GPSM2: variants seen among roughly 807,000 people sequenced by gnomAD.
The protein encoded by GPSM2 is G protein signaling modulator 2.
GPSM2 carries 58 observed loss-of-function variants against 78.4 expected under a neutral mutation model. The observed-to-expected ratio is 0.74, with a 90% confidence interval of 0.60 to 0.92. The LOEUF (loss-of-function observed/expected upper bound fraction) is 0.92. Ranked by LOEUF, GPSM2 falls within the 40% of genes least tolerant of loss-of-function variation. GPSM2 has a pLI of 0.00. For synonymous variants in GPSM2, 224 were observed against 280.2 expected (o/e 0.80, Z 2.00); for missense variants, 700 against 815.5 (o/e 0.86, Z 1.73).
At position 108,897,233 on chromosome 1, in the gene GPSM2, G is replaced by T. The variant is rs955306475; in HGVS notation, c.278+148G>T. ...GCTTTTCAAAACTAACCTTTAGGCT[G>T]AACACAGTTTAATTGAATGAATAGT... is the stretch of plus-strand genomic sequence containing the variant. On this transcript the variant is annotated intron_variant, in intron 3 of 14. Coordinates refer to ENST00000264126, the MANE Select transcript of GPSM2 (RefSeq NM_013296.5). 8.3e-6 allele frequency: 6 copies of T among 719,030 alleles called. No homozygotes were observed. In the African/African-American group the frequency reaches 1.1e-4, roughly 13 times the overall value. The allele number at this position is 719,030 out of a possible 1,614,324, so 44.5% of individuals were successfully genotyped here.
chr1:108,888,575 A>G (rs1316091431), intron 2 of GPSM2, among the ~76,000 whole-genome samples: 1 of 152,174 alleles, frequency 6.6e-6, no homozygotes, highest in Admixed American at 6.5e-5. Flanking sequence ...CCTGGGCTCA[A>G]GCAGTCCACC....
chr1:108,931,293 C>T lies in GPSM2; in HGVS notation c.*1353C>T. On this transcript the variant is annotated 3_prime_UTR_variant, in exon 15 of 15. Transcript: ENST00000264126. ...AGCTAGAACCTTAGTTGTCATTAAG[C>T]TTTGTCTTCCTTATCCCAGATATTG... The T allele has an allele frequency of 6.5e-7, 1 of 1,527,804 alleles. No homozygotes were observed. The highest frequency in any genetic ancestry group is 8.8e-7 in the Non-Finnish European group (1 of 1,135,500). The allele number at this position is 1,527,804 out of a possible 1,614,324, so 94.6% of individuals were successfully genotyped here.
chr1:108,896,920 G>A lies in GPSM2; in HGVS notation c.113G>A (p.Gly38Glu), dbSNP rs1279458081. The change falls in exon 3 of 15, where the codon GGA (glycine) becomes GAA (glutamate). Residue 38 changes from glycine to glutamate, a missense_variant. Physicochemically the swap from Gly to Glu is moderately conservative, Grantham distance 98. Transcript: ENST00000264126. ...GAAGGGGAACGTCTATGTAAATCAG[G>A]AGACTGCCGCGCTGGCGTGTCATTC... The part of the protein sequence containing the change: ...ALEGERLCKS[G>E]DCRAGVSFFE... 1.9e-6 allele frequency: 3 copies of A among 1,614,190 alleles called. No individual in the cohort carries two copies. The highest frequency in any genetic ancestry group is 1.7e-5 in the Admixed American group (1 of 60,028).
At position 108,933,882 on chromosome 1, in the gene GPSM2, TATGA is replaced by T. The variant is rs1260041915; in HGVS notation, c.*3945_*3948del. 6.6e-6 allele frequency: 1 copy of T among 152,198 alleles called. No homozygotes were observed. Among genetic ancestry groups the T allele is most frequent in the African/African-American group, 2.4e-5 (1 of 41,452 alleles). 9.4% of individuals were successfully genotyped at this position (152,198 alleles called of 1,614,324 possible). ...GACAAGACAATATGATTTGCTATAA[TATGA>T]ATTAAGATATGGTAATATCTAATAG... is the stretch of plus-strand genomic sequence containing the variant. On this transcript the variant is annotated 3_prime_UTR_variant, in exon 15 of 15. Transcript: ENST00000264126.
At chr1:108,917,093 G>A (rs1169431617) in intron 11 of GPSM2, among the ~76,000 whole-genome samples, 1 of 152,078 alleles carries the variant, frequency 6.6e-6, no homozygotes, top group African/African-American at 2.4e-5. Context: ...AAATATATAA[G>A]GAACATTTTT....
chr1:108,920,950 A>T (rs1650658633), intron 12 of GPSM2, among the ~76,000 whole-genome samples: 1 of 152,058 alleles, frequency 6.6e-6, no homozygotes, highest in Non-Finnish European at 1.5e-5. Flanking sequence ...ACTGTAGCTT[A>T]TGTATGTATC....
At chr1:108,919,712 A>G (rs1650553868) in intron 12 of GPSM2, among the ~76,000 whole-genome samples, 1 of 152,028 alleles carries the variant, frequency 6.6e-6, no homozygotes, top group African/African-American at 2.4e-5. Context: ...CTCAAAAAAA[A>G]GAGAAAAATG....
At chr1:108,908,306 G>A (rs868707664) in intron 10 of GPSM2, among the ~76,000 whole-genome samples, 11 of 151,800 alleles carry the variant, frequency 7.2e-5, no homozygotes, top group Middle Eastern at 3.4e-3. Flanking sequence ...GGGAGGCGGA[G>A]CTTGCAGTGA....
Position 108,897,940 on chromosome 1 carries a change from T to G in GPSM2, c.415-19T>G. On this transcript the variant is annotated intron_variant, in intron 4 of 14. Transcript: ENST00000264126. ...ACCTCTGTTTTCAAAATGTAAACTT[T>G]GCTGATGTCTTCATTTAGGTGGGAG... 6.2e-7 allele frequency: 1 copy of G among 1,612,258 alleles called. No homozygotes were observed. Among genetic ancestry groups the G allele is most frequent in the Non-Finnish European group, 8.5e-7 (1 of 1,178,360 alleles).
chr1:108,895,201 G>A (rs1648261908), intron 2 of GPSM2, among the ~76,000 whole-genome samples: 1 of 152,170 alleles, frequency 6.6e-6, no homozygotes, highest in South Asian at 2.1e-4. Context: ...AGTGCTCCAG[G>A]TGAGCTCTGC....
At chr1:108,902,770 C>T (rs1648918865) in intron 8 of GPSM2, among the ~76,000 whole-genome samples, 1 of 152,148 alleles carries the variant, frequency 6.6e-6, no homozygotes, top group Non-Finnish European at 1.5e-5. Flanking sequence ...TTCTCTCTCC[C>T]TGCTGCTCAA....
At chr1:108,911,433 G>A (rs963631257) in intron 10 of GPSM2, among the ~76,000 whole-genome samples, 2 of 151,878 alleles carry the variant, frequency 1.3e-5, no homozygotes. Flanking sequence ...AGGCTGAGGT[G>A]GAAGAATGTC....
chr1:108,896,901 G>T lies in GPSM2; in HGVS notation c.94G>T (p.Glu32Ter). Reference protein sequence around the residue: ...ASCLELALEGERLCKSGDCRA... With the variant: ...ASCLELALEG Reference sequence around the variant, plus strand: ...TTGCCTAGAGCTGGCCTTGGAAGGGGAACGTCTATGTAAATCAGGAGACTG... The same window carrying T: ...TTGCCTAGAGCTGGCCTTGGAAGGGTAACGTCTATGTAAATCAGGAGACTG... Residue 32 changes from glutamate to a stop codon, truncating the protein, a stop_gained, in exon 3 of 15, where the codon GAA becomes TAA. Transcript: ENST00000264126. LOFTEE classifies it high-confidence loss of function. 6.2e-7 allele frequency: 1 copy of T among 1,614,170 alleles called. No individual in the cohort carries two copies.
chr1:108,885,593 G>C lies in GPSM2; in HGVS notation c.56+15G>C, dbSNP rs1647473839. The C allele has an allele frequency of 6.8e-7, 1 of 1,474,932 alleles. No individual in the cohort carries two copies. The highest frequency in any genetic ancestry group is 1.7e-5 in the Admixed American group (1 of 59,756). 91.4% of individuals were successfully genotyped at this position (1,474,932 alleles called of 1,614,324 possible). ...GTTCGTTACAGGTAAGACTATTGCT[G>C]TCTTAATGGATGACTTTTAATCCTT... On this transcript the variant is annotated intron_variant, in intron 2 of 14. Coordinates refer to ENST00000264126, the MANE Select transcript of GPSM2 (RefSeq NM_013296.5).
intron 12 of GPSM2, among the ~76,000 whole-genome samples, chr1:108,919,767 C>T (rs1240834721): frequency 3.3e-5 from 5 of 151,996 alleles, no homozygotes; most frequent in African/African-American, 7.2e-5. Context: ...ATAAAAATAC[C>T]GTGGGTTTAC....
At chr1:108,880,972 G>A (rs1665865354) in intron 1 of GPSM2, among the ~76,000 whole-genome samples, 1 of 152,270 alleles carries the variant, frequency 6.6e-6, no homozygotes, top group Middle Eastern at 3.4e-3. Context: ...AGTAAAGCAG[G>A]GCTAGGATTT....
intron 14 of GPSM2, among the ~76,000 whole-genome samples, chr1:108,928,787 G>A (rs564693865): frequency 6.6e-6 from 1 of 152,146 alleles, no homozygotes; most frequent in Admixed American, 6.5e-5. Context: ...TCAAGAGTTC[G>A]AGACCAGCCT....
At chr1:108,898,835 T>G (rs79763481) in intron 6 of GPSM2, 44 bp from the exon 7 acceptor site, 21,272 of 1,599,758 alleles carry the variant, frequency 0.013, 170 homozygotes, top group Non-Finnish European at 0.016. Flanking sequence ...AGATCATTCT[T>G]CAGTTTTATT....
chr1:108,882,717 G>T (rs2101310340), intron 1 of GPSM2: 1 of 152,278 alleles, frequency 6.6e-6, no homozygotes, highest in East Asian at 1.9e-4. Context: ...ATCATTGCCA[G>T]TTTAGCTGTT....
Sources: gnomAD v4.1 joint callset for allele counts (sites outside exome capture counted in the v4.1 genomes callset) on GRCh38, gnomAD v4.1.1 for gene constraint, MANE v1.5 for transcripts, NCBI Gene and HGNC (gene_info 2026-07-23, HGNC 2026-07-21) for gene names.